The following GRM8 variants were observed in gnomAD, a reference collection of about 807,000 sequenced individuals.
GRM8 encodes glutamate metabotropic receptor 8, also known as metabotropic glutamate receptor 8.
A neutral mutation model predicts 87.2 loss-of-function variants in GRM8; 47 were observed. The ratio of observed to expected loss-of-function variants is 0.54; its 90% confidence interval spans 0.43 to 0.69. The LOEUF (loss-of-function observed/expected upper bound fraction) is 0.69. Ranked by LOEUF, GRM8 falls within the 30% of genes least tolerant of loss-of-function variation. The pLI is 0.00. For missense variants in GRM8, 1,019 were observed against 1,139.2 expected (o/e 0.89, Z 1.52); for synonymous variants, 396 against 404.5 (o/e 0.98, Z 0.25).
rs1801132980 is a variant in GRM8, at chr7:126,438,867, ATTTGT to A, written c.*247_*251del. The A allele has an allele frequency of 5.5e-6, 2 of 366,830 alleles. No homozygotes were observed. Among genetic ancestry groups the A allele is most frequent in the African/African-American group, 4.2e-5 (2 of 47,626 alleles). The allele number at this position is 366,830 out of a possible 1,614,324, so 22.7% of individuals were successfully genotyped here. ...AGCTAACATTAGTTTTCCTTTTGTG[ATTTGT>A]TTTAACTGCTCATGAATAAGCAATA... On this transcript the variant is annotated 3_prime_UTR_variant, in exon 11 of 11. Transcript: ENST00000339582.
intron 8 of GRM8, among the ~76,000 whole-genome samples, chr7:126,589,821 C>G (rs1474913995): frequency 6.6e-6 from 1 of 152,098 alleles, no homozygotes; most frequent in African/African-American, 2.4e-5. Flanking sequence ...GCAGACACCC[C>G]CTAGTAGGTA....
At chr7:126,786,174 A>C (rs571777573) in intron 6 of GRM8, among the ~76,000 whole-genome samples, 1 of 152,312 alleles carries the variant, frequency 6.6e-6, no homozygotes, top group Non-Finnish European at 1.5e-5. Context: ...GGAATCAATC[A>C]AATAAAAACT....
chr7:126,628,288 G>A lies in GRM8; in HGVS notation c.1358-18790C>T, dbSNP rs567174552. Among the ~76,000 whole-genome samples, 3 of 152,122 alleles carry A rather than the reference G, an allele frequency of 2.0e-5. No homozygotes were observed. In the South Asian group the frequency reaches 6.2e-4, roughly 32 times the overall value. On this transcript the variant is annotated intron_variant, in intron 7 of 10. Transcript: ENST00000339582. ...TCTCGATCTCCTGATCTCGTGAACC[G>A]CCTACCTCAGCCTCCCAAAGTGCTA... is the stretch of plus-strand genomic sequence containing the variant.
rs917082506 is a variant in GRM8, at chr7:127,037,647, A to G, written c.727+68849T>C. ...CTGTCTCACAATTTCAAAGGAGGAT[A>G]GAGGGAGCAAGGAGTGGGGGCTACT... On this transcript the variant is annotated intron_variant, in intron 3 of 10. Coordinates refer to ENST00000339582, the MANE Select transcript of GRM8 (RefSeq NM_000845.3). Among the ~76,000 whole-genome samples the G allele has an allele frequency of 7.2e-5, 11 of 152,298 alleles. No individual in the cohort carries two copies. The East Asian group carries it at 2.1e-3, about 29-fold the overall frequency.
chr7:126,779,186 A>C (rs952576953), intron 6 of GRM8, among the ~76,000 whole-genome samples: 1 of 152,096 alleles, frequency 6.6e-6, no homozygotes, highest in Non-Finnish European at 1.5e-5. Context: ...GTTATATTCA[A>C]TGTGATATTT....
chr7:127,173,685 C>T (rs541763463), intron 2 of GRM8, among the ~76,000 whole-genome samples: 24 of 152,098 alleles, frequency 1.6e-4, no homozygotes, highest in South Asian at 4.2e-4. Flanking sequence ...CTTCCTGGAG[C>T]GATATGGGGT....
intron 9 of GRM8, chr7:126,447,118 G>A (rs1802099819): frequency 6.6e-6 from 1 of 151,358 alleles, no homozygotes; most frequent in Non-Finnish European, 1.5e-5. Context: ...CACTGAAATC[G>A]ACTGCTCTGA....
At position 126,485,127 on chromosome 7, in the gene GRM8, A is replaced by C. The variant is rs183004363; in HGVS notation, c.2431-38755T>G. Among the ~76,000 whole-genome samples the C allele has an allele frequency of 2.4e-3, 370 of 152,186 alleles. 2 individuals carry two copies. The highest frequency in any genetic ancestry group is 8.4e-3 in the African/African-American group (347 of 41,556). On this transcript the variant is annotated intron_variant, in intron 9 of 10. Transcript: ENST00000339582. ...TTATGCAAGCATTATTGAGCAAGCA[A>C]ATGCAAATGCAATAAGCATTTTTAA...
Position 126,731,235 on chromosome 7 carries a change from T to C in GRM8, c.1357+38630A>G, listed in dbSNP as rs943877154. ...CATAGAGAAGCCATTTTATTCACTCTGATACCCTGGCCACTCTCAGGAGGA... is the reference window on the plus strand; with the variant it reads ...CATAGAGAAGCCATTTTATTCACTCCGATACCCTGGCCACTCTCAGGAGGA... On this transcript the variant is annotated intron_variant, in intron 7 of 10. Coordinates refer to ENST00000339582, the MANE Select transcript of GRM8 (RefSeq NM_000845.3). Among the ~76,000 whole-genome samples the C allele has an allele frequency of 4.6e-5, 7 of 152,124 alleles. 1 individual carries two copies. The highest frequency in any genetic ancestry group is 1.7e-4 in the African/African-American group (7 of 41,438).
intron 2 of GRM8, among the ~76,000 whole-genome samples, chr7:127,123,587 T>C (rs1236043553): frequency 6.6e-6 from 1 of 152,108 alleles, no homozygotes; most frequent in Non-Finnish European, 1.5e-5. Context: ...TTTCCAGCCA[T>C]CAGAACTGAG....
intron 8 of GRM8, among the ~76,000 whole-genome samples, chr7:126,585,684 A>T (rs1170175992): frequency 1.3e-5 from 2 of 152,154 alleles, no homozygotes; most frequent in African/African-American, 4.8e-5. Flanking sequence ...CGTATCTCAA[A>T]ATAATAAGAG....
intron 9 of GRM8, among the ~76,000 whole-genome samples, chr7:126,491,780 A>G (rs1445951960): frequency 6.6e-6 from 1 of 152,108 alleles, no homozygotes; most frequent in East Asian, 1.9e-4. Flanking sequence ...CTTTAGCAAT[A>G]TAAGAAAATA....
At chr7:126,747,374 T>C in intron 7 of GRM8, among the ~76,000 whole-genome samples, 1 of 152,026 alleles carries the variant, frequency 6.6e-6, no homozygotes, top group East Asian at 1.9e-4. Flanking sequence ...TCTGTGGTCA[T>C]GCATTCTGCC....
intron 3 of GRM8, among the ~76,000 whole-genome samples, chr7:127,063,146 A>C (rs1429328552): frequency 1.3e-5 from 2 of 151,608 alleles, no homozygotes; most frequent in Non-Finnish European, 2.9e-5. Context: ...CTGGCTACTC[A>C]GGAGGCTGAG....
At chr7:127,216,389 G>A (rs1318589935) in intron 2 of GRM8, among the ~76,000 whole-genome samples, 2 of 151,980 alleles carry the variant, frequency 1.3e-5, no homozygotes, top group African/African-American at 2.4e-5. Flanking sequence ...ATGGTGGCAT[G>A]CACCTGTAAT....
At chr7:126,466,210 G>T in intron 9 of GRM8, among the ~76,000 whole-genome samples, 1 of 151,580 alleles carries the variant, frequency 6.6e-6, no homozygotes, top group East Asian at 1.9e-4. Flanking sequence ...GAATGTAATG[G>T]TTCCATTATA....
At chr7:127,001,417 T>A (rs1421915223) in intron 3 of GRM8, among the ~76,000 whole-genome samples, 1 of 151,576 alleles carries the variant, frequency 6.6e-6, no homozygotes, top group South Asian at 2.1e-4. Flanking sequence ...ATAACCTGAA[T>A]CTTAGCAACA....
At chr7:127,185,854 C>T (rs1179212896) in intron 2 of GRM8, among the ~76,000 whole-genome samples, 1 of 152,118 alleles carries the variant, frequency 6.6e-6, no homozygotes, top group African/African-American at 2.4e-5. Flanking sequence ...AAATTTTACC[C>T]ACTTAATCAT....
chr7:126,655,857 A>G (rs1804463447), intron 7 of GRM8, among the ~76,000 whole-genome samples: 1 of 152,188 alleles, frequency 6.6e-6, no homozygotes, highest in East Asian at 1.9e-4. Context: ...AGCATGACAC[A>G]AGGGAAAGAT....
Sources: allele counts gnomAD v4.1 joint callset (sites outside exome capture counted in the v4.1 genomes callset), GRCh38; gene constraint gnomAD v4.1.1; transcripts MANE v1.5; gene names NCBI Gene and HGNC (gene_info 2026-07-23, HGNC 2026-07-21).